Variants in FGF12 observed in about 807,000 individuals in gnomAD.
FGF12 encodes fibroblast growth factor 12.
FGF12 carries 14 observed loss-of-function variants against 23.6 expected under a neutral mutation model. The observed-to-expected ratio is 0.59, with a 90% CI of 0.39 to 0.93. The LOEUF is 0.93. FGF12 is among the 40% of genes least tolerant of loss of function. The pLI, the probability that FGF12 is intolerant of heterozygous loss-of-function variation, is 0.00. For missense variants in FGF12, 175 were observed against 217.8 expected (o/e 0.80, Z 1.24); for synonymous variants, 62 against 77.3 (o/e 0.80, Z 1.04).
At chr3:192,356,949 T>C (rs953224806) in intron 3 of FGF12, among the ~76,000 whole-genome samples, 1 of 152,244 alleles carries the variant, frequency 6.6e-6, no homozygotes, top group African/African-American at 2.4e-5. Context: ...TTATTTGATA[T>C]TCTTCATTAA....
chr3:192,250,103 T>C (rs1711907160), intron 4 of FGF12, among the ~76,000 whole-genome samples: 1 of 152,158 alleles, frequency 6.6e-6, no homozygotes, highest in African/African-American at 2.4e-5. Context: ...TGTGCACTCA[T>C]GTGGATAATC....
intron 4 of FGF12, among the ~76,000 whole-genome samples, chr3:192,248,406 A>C (rs998199846): frequency 6.6e-6 from 1 of 152,248 alleles, no homozygotes; most frequent in African/African-American, 2.4e-5. Context: ...AAGTATCACT[A>C]TTCATGTTGC....
chr3:192,373,199 A>G lies in FGF12; in HGVS notation c.14-12661T>C, dbSNP rs577541309. Among the ~76,000 whole-genome samples the G allele has an allele frequency of 1.1e-4, 17 of 152,100 alleles. 1 individual carries two copies. In the South Asian group the frequency reaches 2.7e-3, roughly 24 times the overall value. ...TCTATTTCCCACTCTAGACTGTAGC[A>G]TCCCTGAGGGTGAGGCCATGTAACT... is the stretch of plus-strand genomic sequence containing the variant. On this transcript the variant is annotated intron_variant, in intron 2 of 5. Coordinates refer to ENST00000445105, the MANE Select transcript of FGF12 (RefSeq NM_004113.6).
intron 2 of FGF12, among the ~76,000 whole-genome samples, chr3:192,474,329 T>C (rs1228811873): frequency 1.3e-5 from 2 of 152,148 alleles, no homozygotes; most frequent in African/African-American, 2.4e-5. Flanking sequence ...ACTCATCTCA[T>C]TTTAGGGGCA....
intron 2 of FGF12, among the ~76,000 whole-genome samples, chr3:192,540,391 T>C (rs1725337098): frequency 6.6e-6 from 1 of 152,154 alleles, no homozygotes; most frequent in Admixed American, 6.5e-5. Context: ...CATTTCTTCT[T>C]TGGCCCATTG....
intron 2 of FGF12, among the ~76,000 whole-genome samples, chr3:192,468,592 T>A (rs1161570247): frequency 2.0e-5 from 3 of 152,238 alleles, no homozygotes; most frequent in Admixed American, 2.0e-4. Flanking sequence ...GTGTCCTTCT[T>A]AGACATCATA....
intron 2 of FGF12, among the ~76,000 whole-genome samples, chr3:192,598,457 C>A (rs990934769): frequency 1.3e-5 from 2 of 152,084 alleles, no homozygotes; most frequent in Non-Finnish European, 2.9e-5. Context: ...GTAACTATGA[C>A]CCCTCCTAAA....
intron 2 of FGF12, among the ~76,000 whole-genome samples, chr3:192,465,714 C>A (rs1169881893): frequency 2.0e-5 from 3 of 152,182 alleles, no homozygotes; most frequent in Non-Finnish European, 4.4e-5. Flanking sequence ...TCCCCGACCC[C>A]CACTCCCAAG....
intron 2 of FGF12, among the ~76,000 whole-genome samples, chr3:192,467,793 T>G (rs775404905): frequency 6.6e-6 from 1 of 152,104 alleles, no homozygotes; most frequent in Non-Finnish European, 1.5e-5. Flanking sequence ...TAAAGACAGG[T>G]CTTCTGACTC....
chr3:192,459,732 T>G (rs1250582639), intron 2 of FGF12, among the ~76,000 whole-genome samples: 1 of 152,212 alleles, frequency 6.6e-6, no homozygotes, highest in Non-Finnish European at 1.5e-5. Context: ...TGAAGATGTA[T>G]GTGCTTTAAT....
At position 192,409,978 on chromosome 3, in the gene FGF12, C is replaced by G. The variant is rs1185693030; in HGVS notation, c.14-49440G>C. On this transcript the variant is annotated intron_variant, in intron 2 of 5. Transcript: ENST00000445105. The surrounding 1 kb of genome is among the most constrained non-coding windows in gnomAD (Gnocchi z 4.8). The stretch of plus-strand genomic sequence containing the variant: ...GGAGTCCCATTCATGGGCTGAGGCT[C>G]TGGGCGCGCGGAGCCGCCGCCGCCC... 6.6e-6 allele frequency among the ~76,000 whole-genome samples: 1 copy of G among 152,100 alleles called. No individual in the cohort carries two copies.
intron 2 of FGF12, among the ~76,000 whole-genome samples, chr3:192,584,773 GC>G (rs1713304959): frequency 6.6e-6 from 1 of 151,808 alleles, no homozygotes; most frequent in Non-Finnish European, 1.5e-5. Context: ...TGCTCTCTCT[GC>G]TTGGCTAAGA....
At chr3:192,418,267 G>A (rs142300033) in intron 2 of FGF12, among the ~76,000 whole-genome samples, 12 of 152,148 alleles carry the variant, frequency 7.9e-5, no homozygotes, top group Non-Finnish European at 1.8e-4. Flanking sequence ...TACATACTAC[G>A]CAGCACCATA....
intron 2 of FGF12, among the ~76,000 whole-genome samples, chr3:192,676,914 G>A (rs966232120): frequency 3.9e-5 from 6 of 152,174 alleles, no homozygotes; most frequent in Non-Finnish European, 8.8e-5. Context: ...TCCAGAATGG[G>A]GAGAAAATAC....
intron 5 of FGF12, among the ~76,000 whole-genome samples, chr3:192,146,417 C>T (rs923937581): frequency 1.1e-4 from 16 of 152,030 alleles, no homozygotes; most frequent in Middle Eastern, 3.4e-3. Context: ...ACTATAGGCA[C>T]CAGCCACCAC....
At chr3:192,716,312 C>T (rs1439655132) in intron 2 of FGF12, among the ~76,000 whole-genome samples, 1 of 152,118 alleles carries the variant, frequency 6.6e-6, no homozygotes, top group Non-Finnish European at 1.5e-5. Context: ...TGGACCCAGC[C>T]AACAACGTCA....
chr3:192,657,604 C>T (rs1259517576), intron 2 of FGF12, among the ~76,000 whole-genome samples: 1 of 152,068 alleles, frequency 6.6e-6, no homozygotes, highest in African/African-American at 2.4e-5. Flanking sequence ...CAACTGAGTT[C>T]CAACTACCTG....
chr3:192,710,304 T>C (rs1718622743), intron 2 of FGF12, among the ~76,000 whole-genome samples: 1 of 152,204 alleles, frequency 6.6e-6, no homozygotes, highest in Non-Finnish European at 1.5e-5. Context: ...TTTTATCCTT[T>C]CAAGTAAGGA....
intron 2 of FGF12, among the ~76,000 whole-genome samples, chr3:192,643,292 C>A (rs1297305264): frequency 6.6e-6 from 1 of 151,960 alleles, no homozygotes; most frequent in Non-Finnish European, 1.5e-5. Flanking sequence ...TGGAGAATTA[C>A]AAAATTTTTA....
Sources: gnomAD v4.1 joint callset for allele counts (sites outside exome capture counted in the v4.1 genomes callset) on GRCh38, gnomAD v4.1.1 for gene constraint, Gnocchi (gnomAD v3.1) non-coding constraint, MANE v1.5 for transcripts, NCBI Gene and HGNC (gene_info 2026-07-23, HGNC 2026-07-21) for gene names.